Variants in PRCD observed in about 807,000 individuals in gnomAD.
The protein encoded by PRCD is photoreceptor disc component, also known as photoreceptor disk component PRCD.
A neutral mutation model predicts 10.1 loss-of-function variants in PRCD; 12 were observed. The ratio of observed to expected loss-of-function variants is 1.18; its 90% CI spans 0.76 to 1.92. The LOEUF (loss-of-function observed/expected upper bound fraction) is 1.92. Ranked by LOEUF, PRCD falls within the 40% of genes most tolerant of loss-of-function variation. The pLI is 0.00. For missense variants in PRCD, 61 were observed against 72.2 expected (o/e 0.84, Z 0.56); for synonymous variants, 31 against 26.2 (o/e 1.18, Z -0.56).
chr17:76,547,772 T>C (rs985676756), downstream of PRCD, among the ~76,000 whole-genome samples: 3 of 143,436 alleles, frequency 2.1e-5, no homozygotes, highest in African/African-American at 7.9e-5. Flanking sequence ...TATACAAACA[T>C]ATAATACACA....
In PRCD at chr17:76,530,044, T is replaced by C. The variant is rs757058412; in HGVS notation, n.45+2211T>C. 8 of 985,320 alleles carry C rather than the reference T, an allele frequency of 8.1e-6. No homozygotes were observed. Among genetic ancestry groups the C allele is most frequent in the Non-Finnish European group, 9.6e-6 (8 of 829,896 alleles). 61.0% of individuals were successfully genotyped at this position (985,320 alleles called of 1,614,324 possible). A position where few individuals can be genotyped will look rare whatever the true frequency, so the allele number is the denominator to read the frequency against. On this transcript the variant is annotated intron_variant and non_coding_transcript_variant, in intron 1 of 4. Coordinates refer to the PRCD transcript ENST00000397633. The surrounding 1 kb of genome is among the most constrained non-coding windows in gnomAD (Gnocchi z 6.1). ...TGCCTGTGAACAGAAGGGCCGGCAG[T>C]CTTGGGGGCCCGTGCAGAGCCCGGC...
chr17:76,538,454 G>A (rs1567909902), upstream of PRCD: 2 of 465,860 alleles, frequency 4.3e-6, no homozygotes, highest in African/African-American at 4.0e-5. Context: ...CTCGGTGCAC[G>A]AACGCGGCGG....
chr17:76,540,069 G>A lies in PRCD; in HGVS notation c.-73G>A. On this transcript the variant is annotated 5_prime_UTR_variant, in exon 1 of 5. Transcript: ENST00000592014. The surrounding 1 kb of genome is among the most constrained non-coding windows in gnomAD (Gnocchi z 5.0). Reference sequence around the variant, plus strand: ...AGACGGCAGTGGCTCCTGAGAGCTGGCTGGGGCCATTTTGGCCCCTCGCCT... The same window carrying A: ...AGACGGCAGTGGCTCCTGAGAGCTGACTGGGGCCATTTTGGCCCCTCGCCT... 6.7e-7 allele frequency: 1 copy of A among 1,482,592 alleles called. No individual in the cohort carries two copies. The highest frequency in any genetic ancestry group is 1.2e-5 in the South Asian group (1 of 83,050). The allele number at this position is 1,482,592 out of a possible 1,614,324, so 91.8% of individuals were successfully genotyped here. A position where few individuals can be genotyped will look rare whatever the true frequency, so the allele number is the denominator to read the frequency against.
upstream of PRCD, chr17:76,537,509 G>C (rs1307722812): frequency 1.3e-6 from 2 of 1,576,390 alleles, no homozygotes; most frequent in Admixed American, 1.8e-5. Flanking sequence ...CGCTCCCTGC[G>C]CTCGATCTCC....
At chr17:76,529,319 C>T (rs1259459162) in intron 1 of PRCD, 3 of 985,294 alleles carry the variant, frequency 3.0e-6, no homozygotes, top group Non-Finnish European at 3.6e-6. Context: ...GGGAGTAACC[C>T]CCATGGGGTG....
downstream of PRCD, among the ~76,000 whole-genome samples, chr17:76,548,083 CAAAT>C (rs959331392): frequency 4.0e-4 from 61 of 151,920 alleles, no homozygotes; most frequent in South Asian, 3.3e-3. Flanking sequence ...TGTACACACA[CAAAT>C]AAAACAGACA....
chr17:76,537,323 C>T (rs1190959352), upstream of PRCD: 14 of 1,428,256 alleles, frequency 9.8e-6, no homozygotes, highest in Non-Finnish European at 1.3e-5. Context: ...GAGCTCGGAC[C>T]CGGGCCCAGC....
chr17:76,538,601 A>G (rs1422365209), upstream of PRCD: 3 of 423,468 alleles, frequency 7.1e-6, no homozygotes, highest in Middle Eastern at 3.6e-4. Flanking sequence ...CTGGCAGACA[A>G]AAAGTCTTGA....
Position 76,544,958 on chromosome 17 carries a change from A to T in PRCD, c.*1308A>T, listed in dbSNP as rs2075037121. 1 of 453,356 alleles carries T rather than the reference A, an allele frequency of 2.2e-6. No individual in the cohort carries two copies. The highest frequency in any genetic ancestry group is 2.0e-5 in the African/African-American group (1 of 48,942). 28.1% of individuals were successfully genotyped at this position (453,356 alleles called of 1,614,324 possible). On this transcript the variant is annotated 3_prime_UTR_variant, in exon 5 of 5. Transcript: ENST00000592014. ...CTGCTCCAGGGATCCATCCAGAGGA[A>T]GGGCGGGAAAAAGAGAGGAAGGGGC... is the stretch of plus-strand genomic sequence containing the variant.
Position 76,544,298 on chromosome 17 carries a change from A to G in PRCD, c.*648A>G, listed in dbSNP as rs1299367492. 2 of 454,342 alleles carry G rather than the reference A, an allele frequency of 4.4e-6. No individual in the cohort carries two copies. Among genetic ancestry groups the G allele is most frequent in the South Asian group, 3.1e-5 (2 of 64,474 alleles). The allele number at this position is 454,342 out of a possible 1,614,324, so 28.1% of individuals were successfully genotyped here. A position where few individuals can be genotyped will look rare whatever the true frequency, so the allele number is the denominator to read the frequency against. ...TGGCCCGTGCCCTTGACTTCCAGGC[A>G]GTAGAAGATGGAGTTCTCTAGACAG... On this transcript the variant is annotated 3_prime_UTR_variant, in exon 5 of 5. Transcript: ENST00000592014.
At chr17:76,538,388 G>T, upstream of PRCD, 1 of 389,168 alleles carries the variant, frequency 2.6e-6, no homozygotes. Flanking sequence ...GCGCACCTCC[G>T]ACCTCGGGCG....
At chr17:76,535,926 A>G (rs183148247), upstream of PRCD, among the ~76,000 whole-genome samples, 7 of 152,324 alleles carry the variant, frequency 4.6e-5, no homozygotes, top group Admixed American at 4.6e-4. Context: ...ATGGTGACCC[A>G]TGAGTGTGCC....
chr17:76,546,295 G>C (rs1052752071), downstream of PRCD: 4 of 152,314 alleles, frequency 2.6e-5, no homozygotes, highest in African/African-American at 9.6e-5. This position sits in a 1 kb window ranked among gnomAD's most constrained non-coding sequence, Gnocchi z 4.5. Context: ...CTGGAGACTG[G>C]AGCATGACCA....
At position 76,540,254 on chromosome 17, in the gene PRCD, G is replaced by GT. The variant is rs575918636; in HGVS notation, c.74+39_74+40insT. On this transcript the variant is annotated intron_variant, in intron 1 of 4. Transcript: ENST00000592014. The surrounding 1 kb of genome is among the most constrained non-coding windows in gnomAD (Gnocchi z 5.0). Reference sequence around the variant, plus strand: ...CGGGCTATGGCTGGCGGTTGGTCGGGGGGGGGGGGCATGGGGCTGGGCTGC... The same window carrying GT: ...CGGGCTATGGCTGGCGGTTGGTCGGGTGGGGGGGGGCATGGGGCTGGGCTGC... 1.7e-3 allele frequency: 1,535 copies of GT among 887,920 alleles called. 28 individuals carry two copies. In the South Asian group the frequency reaches 0.024, roughly 14 times the overall value. The allele number at this position is 887,920 out of a possible 1,614,324, so 55.0% of individuals were successfully genotyped here. A position where few individuals can be genotyped will look rare whatever the true frequency, so the allele number is the denominator to read the frequency against.
At position 76,540,388 on chromosome 17, in the gene PRCD, T is replaced by G; in HGVS notation, c.75-117T>G. The G allele has an allele frequency of 7.5e-7, 1 of 1,337,646 alleles. No homozygotes were observed. The highest frequency in any genetic ancestry group is 1.4e-5 in the African/African-American group (1 of 69,526). The allele number at this position is 1,337,646 out of a possible 1,614,324, so 82.9% of individuals were successfully genotyped here. A position where few individuals can be genotyped will look rare whatever the true frequency, so the allele number is the denominator to read the frequency against. Reference sequence around the variant, plus strand: ...TCTCAGAGCAGGGGGACTTAGAGCTTCAAAGGCTCTAGTTGCAGCCTCTAC... The same window carrying G: ...TCTCAGAGCAGGGGGACTTAGAGCTGCAAAGGCTCTAGTTGCAGCCTCTAC... On this transcript the variant is annotated intron_variant, in intron 1 of 4. Transcript: ENST00000592014. The surrounding 1 kb of genome is among the most constrained non-coding windows in gnomAD (Gnocchi z 5.0).
intron 1 of PRCD, chr17:76,552,899 A>AATATATATATATATATATATAT (rs1394224275): frequency 1.8e-5 from 2 of 109,000 alleles, no homozygotes; most frequent in Non-Finnish European, 3.4e-5. Flanking sequence ...TATATATATA[A>AATATATATATATATATATATAT]AAATATATAT....
chr17:76,549,019 C>T (rs542992197), downstream of PRCD, among the ~76,000 whole-genome samples: 3 of 152,314 alleles, frequency 2.0e-5, no homozygotes, highest in Admixed American at 6.5e-5. Context: ...AGGATATACA[C>T]ACAGATCAAT....
At chr17:76,543,280 C>T (rs2075014106) in intron 4 of PRCD, 159 bp downstream of exon 4, 1 of 356,616 alleles carries the variant, frequency 2.8e-6, no homozygotes, top group South Asian at 2.1e-5. Flanking sequence ...TGAGGCTCCT[C>T]TGAGGGACTG....
rs748138951 is a variant in PRCD at position 76,528,871 on chromosome 17, A to G, written n.45+1038A>G. The G allele has an allele frequency of 4.8e-5, 59 of 1,219,922 alleles. No individual in the cohort carries two copies. Among genetic ancestry groups the G allele is most frequent in the Non-Finnish European group, 5.5e-5 (54 of 980,128 alleles). 75.6% of individuals were successfully genotyped at this position (1,219,922 alleles called of 1,614,324 possible). A position where few individuals can be genotyped will look rare whatever the true frequency, so the allele number is the denominator to read the frequency against. On this transcript the variant is annotated intron_variant and non_coding_transcript_variant, in intron 1 of 4. Transcript: ENST00000397633. This position sits in a 1 kb window ranked among gnomAD's most constrained non-coding sequence, Gnocchi z 5.8. The stretch of plus-strand genomic sequence containing the variant: ...ATGTGAATAATGTCTGTCTTGTGAC[A>G]TAAACTGGGTAAAAAAGTGTTTCAC...
Sources: allele counts gnomAD v4.1 joint callset (sites outside exome capture counted in the v4.1 genomes callset), GRCh38; gene constraint gnomAD v4.1.1; non-coding constraint Gnocchi (gnomAD v3.1); transcripts MANE v1.5; gene names NCBI Gene and HGNC (gene_info 2026-07-23, HGNC 2026-07-21).